LMBR1: variants seen among roughly 807,000 people sequenced by gnomAD.
LMBR1 encodes the protein limb development membrane protein 1.
A neutral mutation model predicts 73.9 loss-of-function variants in LMBR1; 52 were observed. That is an observed-to-expected ratio of 0.70 (90% CI 0.56 to 0.89). The LOEUF (loss-of-function observed/expected upper bound fraction) is 0.89, where lower values mean the gene tolerates loss of function less well. Among genes scored for constraint, LMBR1 ranks in the 40% least tolerant of loss-of-function variants. The pLI is 0.00. For synonymous variants in LMBR1, 215 were observed against 209.4 expected (o/e 1.03, Z -0.23); for missense variants, 539 against 579.8 (o/e 0.93, Z 0.72).
At chr7:156,707,187 G>A (rs1050518206) in intron 15 of LMBR1, among the ~76,000 whole-genome samples, 1 of 152,004 alleles carries the variant, frequency 6.6e-6, no homozygotes, top group African/African-American at 2.4e-5. Flanking sequence ...ATTGAACCGG[G>A]AAGAAATAAA....
intron 3 of LMBR1, among the ~76,000 whole-genome samples, chr7:156,828,080 T>G (rs1047465506): frequency 3.3e-5 from 5 of 152,194 alleles, no homozygotes; most frequent in African/African-American, 1.2e-4. Flanking sequence ...GCTATCCTGA[T>G]TGCTATCATT....
intron 9 of LMBR1, among the ~76,000 whole-genome samples, chr7:156,755,855 A>T (rs1239586983): frequency 6.6e-6 from 1 of 152,198 alleles, no homozygotes. Flanking sequence ...TAACTGAAGA[A>T]AGTAGGTAGA....
chr7:156,799,887 T>G (rs1277152213), intron 4 of LMBR1, among the ~76,000 whole-genome samples: 1 of 152,192 alleles, frequency 6.6e-6, no homozygotes, highest in African/African-American at 2.4e-5. Flanking sequence ...GGTTTTGTGC[T>G]CTGGACAGAT....
In LMBR1 at chr7:156,826,759, A is replaced by G. The variant is rs1327638412; in HGVS notation, c.180-15T>C. On this transcript the variant is annotated splice_polypyrimidine_tract_variant and intron_variant, in intron 3 of 16. Transcript: ENST00000353442. ...TCAAAAACAACCTGGAAGAAAGGAG[A>G]GTCACCATCACAAGTGATCTGAAAA... 6.3e-7 allele frequency: 1 copy of G among 1,599,322 alleles called. No homozygotes were observed. Among genetic ancestry groups the G allele is most frequent in the Non-Finnish European group, 8.5e-7 (1 of 1,171,688 alleles).
At chr7:156,765,047 CAT>C (rs996764757) in intron 5 of LMBR1, among the ~76,000 whole-genome samples, 7 of 152,198 alleles carry the variant, frequency 4.6e-5, no homozygotes, top group African/African-American at 1.4e-4. Flanking sequence ...TATTTTAACA[CAT>C]GAGATCTCAT....
intron 1 of LMBR1, among the ~76,000 whole-genome samples, chr7:156,871,723 C>A (rs1799317248): frequency 6.6e-6 from 1 of 152,116 alleles, no homozygotes; most frequent in South Asian, 2.1e-4. Context: ...GCAGAAAAAT[C>A]ACCTGAAAAA....
In LMBR1 at chr7:156,828,293, C is replaced by T. The variant is rs186860065; in HGVS notation, c.180-1549G>A. 4.7e-3 allele frequency among the ~76,000 whole-genome samples: 717 copies of T among 152,252 alleles called. 18 individuals are homozygous for T. Among genetic ancestry groups the T allele is most frequent in the Admixed American group, 0.042 (645 of 15,290 alleles). Reference sequence around the variant, plus strand: ...CCCCTCTGCACAGTCTACTCACTCCCTAGAATACCCTCTAAGTTGCATGGC... The same window carrying T: ...CCCCTCTGCACAGTCTACTCACTCCTTAGAATACCCTCTAAGTTGCATGGC... On this transcript the variant is annotated intron_variant, in intron 3 of 16. Coordinates refer to ENST00000353442, the MANE Select transcript of LMBR1 (RefSeq NM_022458.4).
chr7:156,792,765 G>A (rs907056794), intron 5 of LMBR1, among the ~76,000 whole-genome samples: 1 of 152,176 alleles, frequency 6.6e-6, no homozygotes, highest in Non-Finnish European at 1.5e-5. Context: ...CATGGCCAGT[G>A]GCCAATTTCC....
intron 15 of LMBR1, among the ~76,000 whole-genome samples, chr7:156,708,121 A>AAGACGGC (rs1811355486): frequency 6.6e-6 from 1 of 152,194 alleles, no homozygotes; most frequent in East Asian, 1.9e-4. Flanking sequence ...AAATTGGAGG[A>AAGACGGC]AGACGGCAGA....
At chr7:156,715,155 T>C (rs556819668) in intron 15 of LMBR1, among the ~76,000 whole-genome samples, 39 of 152,166 alleles carry the variant, frequency 2.6e-4, no homozygotes, top group African/African-American at 9.4e-4. Context: ...TTTCACGATG[T>C]TGGCCAGGCT....
At chr7:156,878,104 T>C (rs1800483620) in intron 1 of LMBR1, among the ~76,000 whole-genome samples, 1 of 152,126 alleles carries the variant, frequency 6.6e-6, no homozygotes. Flanking sequence ...TAATACTGAA[T>C]GGAGAGAAGT....
downstream of LMBR1, among the ~76,000 whole-genome samples, chr7:156,677,566 A>G (rs1804300038): frequency 6.6e-6 from 1 of 152,166 alleles, no homozygotes; most frequent in Non-Finnish European, 1.5e-5. Flanking sequence ...AGGGGCAAGG[A>G]AAGGGCAGGG....
chr7:156,847,182 G>GA (rs1312426628), intron 1 of LMBR1, among the ~76,000 whole-genome samples: 1 of 152,138 alleles, frequency 6.6e-6, no homozygotes, highest in African/African-American at 2.4e-5. Flanking sequence ...ATATAATGAA[G>GA]AAAGGATCAC....
intron 1 of LMBR1, among the ~76,000 whole-genome samples, chr7:156,864,950 C>T (rs1798242002): frequency 2.0e-5 from 3 of 148,858 alleles, no homozygotes; most frequent in South Asian, 4.3e-4. Flanking sequence ...GAGCCGAGGT[C>T]GCGCCATTGC....
chr7:156,807,509 T>C (rs933565015), intron 4 of LMBR1, among the ~76,000 whole-genome samples: 1 of 152,236 alleles, frequency 6.6e-6, no homozygotes, highest in African/African-American at 2.4e-5. Flanking sequence ...TTTTAATCAC[T>C]GTTCAATATG....
intron 15 of LMBR1, among the ~76,000 whole-genome samples, chr7:156,720,884 T>A (rs1490368996): frequency 6.6e-6 from 1 of 152,026 alleles, no homozygotes; most frequent in Admixed American, 6.6e-5. Context: ...TTATTTCTGT[T>A]TCACAACAAG....
At chr7:156,751,810 C>T (rs1820950971) in intron 9 of LMBR1, among the ~76,000 whole-genome samples, 1 of 152,186 alleles carries the variant, frequency 6.6e-6, no homozygotes, top group Admixed American at 6.5e-5. Context: ...GCAGCAAAAT[C>T]TAGAAGTAAA....
intron 16 of LMBR1, among the ~76,000 whole-genome samples, chr7:156,686,189 A>G (rs1220855200): frequency 6.6e-6 from 1 of 152,164 alleles, no homozygotes; most frequent in African/African-American, 2.4e-5. Context: ...TCACGCCTAA[A>G]ACTTGGCTGT....
intron 1 of LMBR1, among the ~76,000 whole-genome samples, chr7:156,861,625 A>C (rs912050020): frequency 1.3e-5 from 2 of 152,116 alleles, no homozygotes; most frequent in Non-Finnish European, 2.9e-5. Context: ...CCAAACTTCT[A>C]TGCTCTGTTT....
Sources: allele counts gnomAD v4.1 joint callset (sites outside exome capture counted in the v4.1 genomes callset), GRCh38; gene constraint gnomAD v4.1.1; transcripts MANE v1.5; gene names NCBI Gene and HGNC (gene_info 2026-07-23, HGNC 2026-07-21).